Variants in CHIC2 observed in about 807,000 individuals in gnomAD.
CHIC2 encodes the protein cysteine rich hydrophobic domain 2.
A neutral mutation model predicts 25.9 loss-of-function variants in CHIC2; 14 were observed. The observed-to-expected ratio is 0.54, with a 90% CI of 0.36 to 0.85. The LOEUF is 0.85. Ranked by LOEUF, CHIC2 falls within the 40% of genes least tolerant of loss-of-function variation. CHIC2 has a pLI of 0.01. For synonymous variants in CHIC2, 70 were observed against 72.0 expected, an observed-to-expected ratio of 0.97 and a Z score of 0.14; for missense variants, 146 against 202.0, an observed-to-expected ratio of 0.72 and a Z score of 1.68.
upstream of CHIC2, among the ~76,000 whole-genome samples, chr4:54,066,240 G>A (rs2110098907): frequency 6.6e-6 from 1 of 152,230 alleles, no homozygotes; most frequent in South Asian, 2.1e-4. Context: ...TAACTTCCCT[G>A]TTCAGTACCT....
intron 1 of CHIC2, among the ~76,000 whole-genome samples, chr4:54,051,388 T>C (rs938680327): frequency 1.3e-5 from 2 of 152,114 alleles, no homozygotes; most frequent in African/African-American, 4.8e-5. Context: ...TAAATATATA[T>C]ATAACATACA....
intron 3 of CHIC2, among the ~76,000 whole-genome samples, chr4:54,014,326 C>T (rs766593632): frequency 7.9e-5 from 12 of 152,074 alleles, no homozygotes; most frequent in Non-Finnish European, 1.8e-4. Flanking sequence ...TTATTTTTAT[C>T]ATACGAATCT....
the CHIC2 span, among the ~76,000 whole-genome samples, chr4:54,077,503 G>T: frequency 1.3e-5 from 2 of 152,292 alleles, no homozygotes; most frequent in Admixed American, 1.3e-4. Context: ...TGGCTGAACT[G>T]GAAAGAACAG....
At chr4:54,047,872 AAATT>A (rs1716884458) in intron 3 of CHIC2, among the ~76,000 whole-genome samples, 1 of 151,994 alleles carries the variant, frequency 6.6e-6, no homozygotes, top group Non-Finnish European at 1.5e-5. Context: ...TTATTTAAAA[AAATT>A]TTTTTAAAGT....
At chr4:54,020,263 A>G (rs1167140292) in intron 3 of CHIC2, among the ~76,000 whole-genome samples, 1 of 151,836 alleles carries the variant, frequency 6.6e-6, no homozygotes, top group Non-Finnish European at 1.5e-5. Flanking sequence ...AATCGCCCCC[A>G]CCCTTAAGAA....
the CHIC2 span, among the ~76,000 whole-genome samples, chr4:54,070,335 C>T: frequency 1.6e-4 from 25 of 152,084 alleles, no homozygotes; most frequent in African/African-American, 3.4e-4. Flanking sequence ...AGTAAAGGAG[C>T]GGAGGATGTG....
At chr4:54,065,313 A>G (rs1196227327), upstream of CHIC2, 20 of 984,486 alleles carry the variant, frequency 2.0e-5, no homozygotes, top group African/African-American at 5.3e-5. Context: ...CCTGGATTCC[A>G]TATTAGAAGA....
the CHIC2 span, among the ~76,000 whole-genome samples, chr4:54,088,998 C>T: frequency 6.6e-6 from 1 of 152,134 alleles, no homozygotes; most frequent in African/African-American, 2.4e-5. Context: ...AACTCCTGTA[C>T]CTTCTCTTCT....
At chr4:54,084,463 T>C in the CHIC2 span, among the ~76,000 whole-genome samples, 1 of 150,906 alleles carries the variant, frequency 6.6e-6, no homozygotes. Context: ...GTTTGGAATC[T>C]AACTAACTTG....
intron 3 of CHIC2, among the ~76,000 whole-genome samples, chr4:54,022,439 C>G (rs1050352966): frequency 3.3e-5 from 5 of 152,158 alleles, no homozygotes; most frequent in Non-Finnish European, 5.9e-5. Context: ...GCCCCCATAA[C>G]TGTTGTGGGT....
intron 3 of CHIC2, among the ~76,000 whole-genome samples, chr4:54,030,460 C>A (rs146969471): frequency 0.058 from 8,719 of 149,536 alleles, 856 homozygotes; most frequent in African/African-American, 0.2. Flanking sequence ...GAGGTCCAGG[C>A]TGCAGTGAGC....
intron 3 of CHIC2, among the ~76,000 whole-genome samples, chr4:54,044,328 C>T (rs1406504709): frequency 2.6e-5 from 4 of 152,196 alleles, no homozygotes; most frequent in African/African-American, 9.7e-5. Flanking sequence ...AACTCTCCAC[C>T]CCAAATCAAC....
chr4:54,054,787 A>AT (rs1365826114), intron 1 of CHIC2, among the ~76,000 whole-genome samples: 1 of 152,244 alleles, frequency 6.6e-6, no homozygotes, highest in Non-Finnish European at 1.5e-5. Flanking sequence ...CTCTTGAGGT[A>AT]TCTGAACATA....
intron 1 of CHIC2, among the ~76,000 whole-genome samples, chr4:54,061,852 C>T (rs1273637089): frequency 6.6e-6 from 1 of 152,136 alleles, no homozygotes; most frequent in Non-Finnish European, 1.5e-5. Flanking sequence ...AATTTAAGCA[C>T]ATACACATTG....
At chr4:54,036,785 C>G (rs1174582487) in intron 3 of CHIC2, among the ~76,000 whole-genome samples, 2 of 134,652 alleles carry the variant, frequency 1.5e-5, no homozygotes. Flanking sequence ...GATTGTCCCA[C>G]AACCACAAAA....
intron 1 of CHIC2, among the ~76,000 whole-genome samples, chr4:54,058,777 G>T (rs1338301962): frequency 2.0e-5 from 3 of 151,958 alleles, no homozygotes; most frequent in African/African-American, 7.3e-5. Context: ...CTAATATCCT[G>T]GGCCTTTAAC....
chr4:54,051,382 T>C (rs1233459000), intron 1 of CHIC2, among the ~76,000 whole-genome samples: 1 of 152,058 alleles, frequency 6.6e-6, no homozygotes, highest in African/African-American at 2.4e-5. Flanking sequence ...CAATAATAAA[T>C]ATATATATAA....
At chr4:54,020,265 C>T (rs184248122) in intron 3 of CHIC2, among the ~76,000 whole-genome samples, 50 of 152,234 alleles carry the variant, frequency 3.3e-4, no homozygotes, top group African/African-American at 1.1e-3. Context: ...TCGCCCCCAC[C>T]CTTAAGAAGG....
chr4:54,029,263 CTA>C (rs1351111863), intron 3 of CHIC2, among the ~76,000 whole-genome samples: 1 of 152,066 alleles, frequency 6.6e-6, no homozygotes, highest in East Asian at 1.9e-4. Flanking sequence ...AGAAATTTCT[CTA>C]TGTTCTATTT....
Sources: gnomAD v4.1 joint callset for allele counts (sites outside exome capture counted in the v4.1 genomes callset) on GRCh38, gnomAD v4.1.1 for gene constraint, MANE v1.5 for transcripts, NCBI Gene and HGNC (gene_info 2026-07-23, HGNC 2026-07-21) for gene names.